The following HTR3A variants were observed in gnomAD, a reference collection of about 807,000 sequenced individuals.
The protein encoded by HTR3A is 5-hydroxytryptamine receptor 3A.
HTR3A carries 45 observed loss-of-function variants against 54.8 expected under a neutral mutation model. The observed-to-expected ratio is 0.82, with a 90% CI of 0.65 to 1.05. HTR3A has a LOEUF of 1.05. HTR3A is among the 50% of genes least tolerant of loss of function. The pLI, the probability that HTR3A is intolerant of heterozygous loss-of-function variation, is 0.00. For missense variants in HTR3A, 657 were observed against 614.0 expected (o/e 1.07, Z -0.74); for synonymous variants, 297 against 256.0 (o/e 1.16, Z -1.53).
intron 2 of HTR3A, 61 bp from the exon 3 acceptor site, chr11:113,979,172 A>G: frequency 7.9e-7 from 1 of 1,268,198 alleles, no homozygotes; most frequent in Non-Finnish European, 1.2e-6. Flanking sequence ...AGGGGCTGGC[A>G]TGTGCAGGGT....
intron 5 of HTR3A, among the ~76,000 whole-genome samples, chr11:113,985,129 A>G (rs948730600): frequency 2.6e-5 from 4 of 152,226 alleles, no homozygotes; most frequent in Admixed American, 2.6e-4. Flanking sequence ...CATCTAGCAC[A>G]GTATATTTTT....
At chr11:113,977,426 C>G in intron 1 of HTR3A, 2 of 868,528 alleles carry the variant, frequency 2.3e-6, no homozygotes, top group East Asian at 2.7e-5. Context: ...CCTTGTTGCT[C>G]CCCAGAGGCC....
In HTR3A at chr11:113,977,767, C is replaced by T. The variant is rs779417073; in HGVS notation, c.68-4C>T. The T allele has an allele frequency of 3.1e-6, 5 of 1,613,950 alleles. No homozygotes were observed. The highest frequency in any genetic ancestry group is 4.2e-6 in the Non-Finnish European group (5 of 1,179,960). ...TGTCTACTTTGAACTGTTCTCCTTCCCAGCCAGGAGGAGCCGAAACACCAC... is the reference window on the plus strand; with the variant it reads ...TGTCTACTTTGAACTGTTCTCCTTCTCAGCCAGGAGGAGCCGAAACACCAC... On this transcript the variant is annotated splice_region_variant and splice_polypyrimidine_tract_variant and intron_variant, in intron 1 of 8. Transcript: ENST00000504030.
At chr11:113,985,440 A>G (rs1950477618) in intron 5 of HTR3A, among the ~76,000 whole-genome samples, 1 of 152,152 alleles carries the variant, frequency 6.6e-6, no homozygotes, top group Non-Finnish European at 1.5e-5. Flanking sequence ...CTTATTAAGC[A>G]TTTTCTGATT....
At chr11:113,985,884 G>A (rs904298277) in intron 5 of HTR3A, 131 bp from the exon 6 acceptor site, 10 of 899,048 alleles carry the variant, frequency 1.1e-5, no homozygotes, top group Non-Finnish European at 1.7e-5. Flanking sequence ...TGAAGGTGAT[G>A]TGCTGAGGTT....
At position 113,989,636 on chromosome 11, in the gene HTR3A, A is replaced by C. The variant is rs767969595; in HGVS notation, c.1310A>C (p.Glu437Ala). 3 of 1,614,188 alleles carry C rather than the reference A, an allele frequency of 1.9e-6. No individual in the cohort carries two copies. Among genetic ancestry groups the C allele is most frequent in the Admixed American group, 3.3e-5 (2 of 60,022 alleles). Residue 437 changes from glutamate (E) to alanine (A), a missense_variant, in exon 9 of 9, where the codon GAG becomes GCG. By Grantham distance (107) the Glu-to-Ala change is moderately radical. Transcript: ENST00000504030. The surrounding 1 kb of genome is among the most constrained non-coding windows in gnomAD (Gnocchi z 4.4). ...CTGGAAAAGCGGGATGAGATCCGAG[A>C]GGTGGCCCGAGACTGGCTGCGCGTG... Reference protein sequence around the residue: ...QFLEKRDEIREVARDWLRVGS... With the variant: ...QFLEKRDEIRAVARDWLRVGS...
At chr11:113,981,178 G>T in intron 3 of HTR3A, 25 bp from the exon 4 acceptor site, 1 of 1,462,468 alleles carries the variant, frequency 6.8e-7, no homozygotes, top group Non-Finnish European at 9.6e-7. Context: ...GGGGCTGCCT[G>T]TGACCATCCC....
Position 113,980,453 on chromosome 11 carries a change from G to A in HTR3A, c.265-750G>A, listed in dbSNP as rs896963082. Among the ~76,000 whole-genome samples the A allele has an allele frequency of 9.9e-5, 15 of 152,274 alleles. 1 individual carries two copies. The highest frequency in any genetic ancestry group is 2.7e-4 in the African/African-American group (11 of 41,476). On this transcript the variant is annotated intron_variant, in intron 3 of 8. Transcript: ENST00000504030. ...AGACGCATGTCACCCAGCCTGGGGTGTGGGGGTCATGGACAATGTCCTGGA... is the reference window on the plus strand; with the variant it reads ...AGACGCATGTCACCCAGCCTGGGGTATGGGGGTCATGGACAATGTCCTGGA...
intron 1 of HTR3A, 85 bp from the exon 2 acceptor site, chr11:113,977,686 C>T (rs1236620083): frequency 1.9e-6 from 3 of 1,552,802 alleles, no homozygotes; most frequent in Non-Finnish European, 1.7e-6. Context: ...GGATACGTCT[C>T]TTTTAACAGC....
At chr11:113,978,905 C>T (rs1433600348) in intron 2 of HTR3A, among the ~76,000 whole-genome samples, 1 of 152,182 alleles carries the variant, frequency 6.6e-6, no homozygotes, top group Non-Finnish European at 1.5e-5. Flanking sequence ...ATGAGAATCG[C>T]TGGAACCTGG....
At chr11:113,985,015 C>T (rs1030529512) in intron 5 of HTR3A, among the ~76,000 whole-genome samples, 1 of 152,188 alleles carries the variant, frequency 6.6e-6, no homozygotes, top group Non-Finnish European at 1.5e-5. Context: ...ACTGCCTTGA[C>T]CAAAACCAGA....
chr11:113,980,180 G>A (rs1454876173), intron 3 of HTR3A, among the ~76,000 whole-genome samples: 1 of 152,204 alleles, frequency 6.6e-6, no homozygotes, highest in Non-Finnish European at 1.5e-5. Context: ...CAGGACATCC[G>A]TCTGAGCTCT....
chr11:113,983,381 G>C, intron 5 of HTR3A, 92 bp downstream of exon 5: 1 of 1,335,212 alleles, frequency 7.5e-7, no homozygotes, highest in Non-Finnish European at 1.1e-6. Context: ...GCCTTCTCAC[G>C]TATCCAGCCT....
chr11:113,982,958 T>C (rs564617631), intron 4 of HTR3A, among the ~76,000 whole-genome samples, 162 bp from the exon 5 acceptor site: 1 of 152,150 alleles, frequency 6.6e-6, no homozygotes, highest in Admixed American at 6.5e-5. Context: ...AAGCCTAAGA[T>C]AGGAAGGTTG....
At chr11:113,985,814 G>C (rs1359173235) in intron 5 of HTR3A, among the ~76,000 whole-genome samples, 1 of 152,108 alleles carries the variant, frequency 6.6e-6, no homozygotes, top group African/African-American at 2.4e-5. Flanking sequence ...TCTGCCCTCA[G>C]TGCGGCCCTG....
Position 113,989,362 on chromosome 11 carries a change from G to T in HTR3A, c.1139-103G>T. 1 of 1,345,732 alleles carries T rather than the reference G, an allele frequency of 7.4e-7. No homozygotes were observed. Among genetic ancestry groups the T allele is most frequent in the Non-Finnish European group, 1.1e-6 (1 of 942,038 alleles). 83.4% of individuals were successfully genotyped at this position (1,345,732 alleles called of 1,614,324 possible). The stretch of plus-strand genomic sequence containing the variant: ...TGGGTGACAGAGTGAGAAAAAAAAA[G>T]TTATTCCCAACAAAAATTTACAGGC... On this transcript the variant is annotated intron_variant, in intron 8 of 8. Coordinates refer to ENST00000504030, the MANE Select transcript of HTR3A (RefSeq NM_000869.6). The surrounding 1 kb of genome is among the most constrained non-coding windows in gnomAD (Gnocchi z 4.4).
At chr11:113,978,651 G>A (rs1043954114) in intron 2 of HTR3A, among the ~76,000 whole-genome samples, 1 of 152,102 alleles carries the variant, frequency 6.6e-6, no homozygotes, top group Non-Finnish European at 1.5e-5. Context: ...GGTTACAGAC[G>A]TAAGACACTG....
At chr11:113,979,882 A>T (rs1299711812) in intron 3 of HTR3A, among the ~76,000 whole-genome samples, 1 of 152,186 alleles carries the variant, frequency 6.6e-6, no homozygotes, top group South Asian at 2.1e-4. Flanking sequence ...AGGAGAAACT[A>T]AAGTGGCTGA....
intron 4 of HTR3A, among the ~76,000 whole-genome samples, chr11:113,982,558 A>G (rs1950434391): frequency 6.6e-6 from 1 of 152,218 alleles, no homozygotes; most frequent in Non-Finnish European, 1.5e-5. Flanking sequence ...CTTTGACATC[A>G]GCTGAGAGAG....
Sources: allele counts gnomAD v4.1 joint callset (sites outside exome capture counted in the v4.1 genomes callset), GRCh38; gene constraint gnomAD v4.1.1; non-coding constraint Gnocchi (gnomAD v3.1); transcripts MANE v1.5; gene names NCBI Gene and HGNC (gene_info 2026-07-23, HGNC 2026-07-21).